The following NDUFS1 variants were observed in gnomAD, a reference collection of about 807,000 sequenced individuals.
The protein encoded by NDUFS1 is NADH-ubiquinone oxidoreductase 75 kDa subunit, mitochondrial.
In NDUFS1, 61 loss-of-function variants were observed where a neutral mutation model predicts 84.4. The observed-to-expected ratio is 0.72, with a 90% CI of 0.59 to 0.89. The LOEUF is 0.89. NDUFS1 is among the 40% of genes least tolerant of loss of function. The pLI, the probability that NDUFS1 is intolerant of heterozygous loss-of-function variation, is 0.00. For synonymous variants in NDUFS1, 275 were observed against 290.0 expected (o/e 0.95, Z 0.53); for missense variants, 891 against 890.0 (o/e 1.00, Z -0.01).
At chr2:206,138,454 A>G (rs1313526190) in intron 13 of NDUFS1, 31 bp downstream of exon 13, 1 of 1,599,956 alleles carries the variant, frequency 6.3e-7, no homozygotes, top group Non-Finnish European at 8.6e-7. Flanking sequence ...TTAAAAATCA[A>G]CAAGAGTAGA....
chr2:206,136,921 T>G (rs889037408), intron 13 of NDUFS1, among the ~76,000 whole-genome samples: 6 of 150,522 alleles, frequency 4.0e-5, no homozygotes, highest in Non-Finnish European at 5.9e-5. Flanking sequence ...GCCCAGCTAA[T>G]TATGTATTTT....
rs201391235 is a variant in NDUFS1, at chr2:206,149,635, TTCTA to T, written c.261+179_261+182del. On this transcript the variant is annotated intron_variant, in intron 4 of 18. Transcript: ENST00000233190. ...TATATGACATGTGTTTGTAAAGCACTTCTATCTATGTGTTTCCAGTTTTGAAATG... is the reference window on the plus strand; with the variant it reads ...TATATGACATGTGTTTGTAAAGCACTTCTATGTGTTTCCAGTTTTGAAATG... The T allele has an allele frequency of 4.8e-3, 2,972 of 616,042 alleles. 38 individuals are homozygous for T. The highest frequency in any genetic ancestry group is 0.038 in the East Asian group (1,362 of 36,184). 38.2% of individuals were successfully genotyped at this position (616,042 alleles called of 1,614,324 possible).
rs1214686985 is a variant in NDUFS1, at chr2:206,124,026, TA to T, written c.*158del. On this transcript the variant is annotated 3_prime_UTR_variant, in exon 19 of 19. Coordinates refer to ENST00000233190, the MANE Select transcript of NDUFS1 (RefSeq NM_005006.7). ...CATGTTTTTCAAACTGCAAAGTTGA[TA>T]ACTAATATCATTTTCAAATAGGCAT... 1.6e-6 allele frequency: 1 copy of T among 616,514 alleles called. No individual in the cohort carries two copies. The highest frequency in any genetic ancestry group is 3.0e-5 in the Admixed American group (1 of 33,762). The allele number at this position is 616,514 out of a possible 1,614,324, so 38.2% of individuals were successfully genotyped here.
At chr2:206,140,922 G>GTATATATATA (rs142969226) in intron 12 of NDUFS1, among the ~76,000 whole-genome samples, 4 of 127,974 alleles carry the variant, frequency 3.1e-5, no homozygotes, top group Non-Finnish European at 1.6e-5. Flanking sequence ...TATGTAGTGT[G>GTATATATATA]TATATATATA....
intron 3 of NDUFS1, 121 bp from the exon 4 acceptor site, chr2:206,150,046 T>A: frequency 1.4e-6 from 1 of 726,822 alleles, no homozygotes; most frequent in South Asian, 1.6e-5. Flanking sequence ...TCTATCTATC[T>A]ATCTATCTTA....
rs772794204 is a variant in NDUFS1 at position 206,144,934 on chromosome 2, A to G, written c.830T>C (p.Met277Thr). 6.2e-7 allele frequency: 1 copy of G among 1,614,132 alleles called. No individual in the cohort carries two copies. The highest frequency in any genetic ancestry group is 8.5e-7 in the Non-Finnish European group (1 of 1,180,004). Residue 277 changes from methionine to threonine, a missense_variant, in exon 9 of 19, where the codon ATG becomes ACG. Met to Thr is a moderately conservative substitution (Grantham distance 81). Coordinates refer to ENST00000233190, the MANE Select transcript of NDUFS1 (RefSeq NM_005006.7). ...CCACTCTTCATTGATGTCCTCATGC[A>G]TACGTGGCAAAATCCTCATCACTTC... ...TGEVMRILPR[M>T]HEDINEEWIS... is the part of the protein sequence containing the mutation.
chr2:206,138,830 T>TCCAGA (rs746802571), intron 12 of NDUFS1, among the ~76,000 whole-genome samples: 1 of 152,158 alleles, frequency 6.6e-6, no homozygotes, highest in East Asian at 1.9e-4. Flanking sequence ...AGAAATGCTA[T>TCCAGA]CCAGACCAGG....
intron 8 of NDUFS1, among the ~76,000 whole-genome samples, chr2:206,145,287 C>T (rs984503518): frequency 2.0e-5 from 3 of 152,032 alleles, no homozygotes; most frequent in Non-Finnish European, 2.9e-5. Context: ...TATCCTCTCA[C>T]CACATTTTAA....
At position 206,124,106 on chromosome 2, in the gene NDUFS1, G is replaced by T; in HGVS notation, c.*79C>A. ...AATTATTATTATTTTTTTTTACAAAGAAATAAACCTGTAAAGGATCACTGC... is the reference window on the plus strand; with the variant it reads ...AATTATTATTATTTTTTTTTACAAATAAATAAACCTGTAAAGGATCACTGC... On this transcript the variant is annotated 3_prime_UTR_variant, in exon 19 of 19. Coordinates refer to ENST00000233190, the MANE Select transcript of NDUFS1 (RefSeq NM_005006.7). 3 of 896,264 alleles carry T rather than the reference G, an allele frequency of 3.3e-6. No homozygotes were observed. Among genetic ancestry groups the T allele is most frequent in the South Asian group, 1.4e-5 (1 of 70,614 alleles). The allele number at this position is 896,264 out of a possible 1,614,324, so 55.5% of individuals were successfully genotyped here.
At chr2:206,142,411 C>T (rs956956643) in intron 11 of NDUFS1, among the ~76,000 whole-genome samples, 18 of 152,136 alleles carry the variant, frequency 1.2e-4, no homozygotes, top group African/African-American at 2.9e-4. Context: ...GACGGGGTTT[C>T]GCCATGTTGG....
intron 15 of NDUFS1, among the ~76,000 whole-genome samples, chr2:206,129,284 A>G (rs1691414162): frequency 2.0e-5 from 3 of 152,138 alleles, no homozygotes; most frequent in African/African-American, 7.2e-5. Flanking sequence ...TAAAAATAAC[A>G]TTTTTTATTG....
chr2:206,138,914 T>G (rs1194373209), intron 12 of NDUFS1, among the ~76,000 whole-genome samples: 1 of 152,080 alleles, frequency 6.6e-6, no homozygotes, highest in Non-Finnish European at 1.5e-5. Flanking sequence ...GTCAGGAGTT[T>G]GAAACCAGCC....
chr2:206,147,111 T>C (rs753090906), intron 7 of NDUFS1, 23 bp from the exon 8 acceptor site: 1 of 1,612,646 alleles, frequency 6.2e-7, no homozygotes, highest in East Asian at 2.2e-5. Context: ...AAATGTGTCA[T>C]CAATGGTCAA....
In NDUFS1 at chr2:206,116,847, C is replaced by A. The variant is rs34209898; in HGVS notation, c.*7338G>T. The A allele has an allele frequency of 0.42, 70,600 of 166,786 alleles. 15,426 individuals carry two copies. The highest frequency in any genetic ancestry group is 0.49 in the Middle Eastern group (160 of 326). The allele number at this position is 166,786 out of a possible 1,614,324, so 10.3% of individuals were successfully genotyped here. A position where few individuals can be genotyped will look rare whatever the true frequency, so the allele number is the denominator to read the frequency against. ...CCAGCCTGACCAACATGGTGAAACCCCGTCTCTACTAAAAATACAAAAATT... is the reference window on the plus strand; with the variant it reads ...CCAGCCTGACCAACATGGTGAAACCACGTCTCTACTAAAAATACAAAAATT... On this transcript the variant is annotated 3_prime_UTR_variant, in exon 19 of 19. Coordinates refer to ENST00000233190, the MANE Select transcript of NDUFS1 (RefSeq NM_005006.7).
chr2:206,130,353 T>G (rs1015111295), intron 14 of NDUFS1, 111 bp from the exon 15 acceptor site: 1 of 1,347,928 alleles, frequency 7.4e-7, no homozygotes, highest in Middle Eastern at 2.3e-4. Context: ...CCCATTTTAT[T>G]TTATTTTATT....
chr2:206,149,071 A>G lies in NDUFS1; in HGVS notation c.287T>C (p.Val96Ala), dbSNP rs548678994. 38 of 1,613,434 alleles carry G rather than the reference A, an allele frequency of 2.4e-5. No homozygotes were observed. In the East Asian group the frequency reaches 8.3e-4, roughly 35 times the overall value. ...TGTTAGGATATTCCAACCCTTCATT[A>G]CTGGCATGGCACAAGCAGCTACAAC... Reference protein sequence around the residue: ...PKVVAACAMPVMKGWNILTNS... With the variant: ...PKVVAACAMPAMKGWNILTNS... Residue 96 changes from valine (V) to alanine (A), a missense_variant, in exon 5 of 19, where the codon GTA becomes GCA. Val to Ala is a moderately conservative substitution (Grantham distance 64). Transcript: ENST00000233190.
chr2:206,147,051 T>C lies in NDUFS1; in HGVS notation c.589A>G (p.Thr197Ala). 1 of 1,614,132 alleles carries C rather than the reference T, an allele frequency of 6.2e-7. No homozygotes were observed. Among genetic ancestry groups the C allele is most frequent in the Non-Finnish European group, 8.5e-7 (1 of 1,180,006 alleles). The change falls in exon 8 of 19, where the codon ACA (threonine) becomes GCA (alanine). Residue 197 changes from threonine to alanine, a missense_variant. By Grantham distance (58) the Thr-to-Ala change is moderately conservative. Transcript: ENST00000233190. ...SEIAGVDDLGTTGRGNDMQVG... is the reference protein window; with the variant it reads ...SEIAGVDDLGATGRGNDMQVG... ...TGCATATCATTTCCTCTGCCTGTTG[T>C]TCCCAAATCATCTACTCCTGCAATC...
intron 12 of NDUFS1, 79 bp downstream of exon 12, chr2:206,141,862 A>T: frequency 7.8e-7 from 1 of 1,278,356 alleles, no homozygotes; most frequent in Non-Finnish European, 1.1e-6. Context: ...TAACACTATT[A>T]GGAAGATGCC....
intron 13 of NDUFS1, among the ~76,000 whole-genome samples, chr2:206,136,427 G>GT (rs760484724): frequency 0.062 from 7,670 of 123,286 alleles, 283 homozygotes; most frequent in African/African-American, 0.12. Context: ...TTAGTTGTTG[G>GT]TTTTTTTTTT....
Sources: allele counts gnomAD v4.1 joint callset (sites outside exome capture counted in the v4.1 genomes callset), GRCh38; gene constraint gnomAD v4.1.1; transcripts MANE v1.5; gene names NCBI Gene and HGNC (gene_info 2026-07-23, HGNC 2026-07-21).